The following RAD18 variants were observed in gnomAD, a reference collection of about 807,000 sequenced individuals.
The protein encoded by RAD18 is E3 ubiquitin-protein ligase RAD18.
RAD18 carries 47 observed loss-of-function variants against 60.4 expected under a neutral mutation model. That is an observed-to-expected ratio of 0.78 (90% CI 0.62 to 0.99). The LOEUF is 0.99. RAD18 is among the 50% of genes least tolerant of loss of function. RAD18 has a pLI of 0.00. For synonymous variants in RAD18, 225 were observed against 195.5 expected, an observed-to-expected ratio of 1.15 and a Z score of -1.26; for missense variants, 640 against 593.3, an observed-to-expected ratio of 1.08 and a Z score of -0.82.
chr3:8,928,110 T>C (rs182376683), intron 7 of RAD18, among the ~76,000 whole-genome samples: 12 of 149,960 alleles, frequency 8.0e-5, no homozygotes, highest in African/African-American at 2.9e-4. Context: ...TGAAGTAGTG[T>C]ACTATTCATT....
Position 8,939,609 on chromosome 3 carries a change from T to C in RAD18, c.649A>G (p.Asn217Asp). 6.2e-7 allele frequency: 1 copy of C among 1,613,242 alleles called. No homozygotes were observed. The highest frequency in any genetic ancestry group is 8.5e-7 in the Non-Finnish European group (1 of 1,179,378). Residue 217 changes from asparagine (N) to aspartate (D), a missense_variant, in exon 6 of 13, where the codon AAT becomes GAT. Asn to Asp is a conservative substitution (Grantham distance 23). Coordinates refer to ENST00000264926, the MANE Select transcript of RAD18 (RefSeq NM_020165.4). The stretch of plus-strand genomic sequence containing the variant: ...GATAAACAGCTGTCTAAATGCTTAT[T>C]AATGTGACTTTCTGGAATGTTAACC... ...CGVNIPESHINKHLDSCLSRE... is the reference protein window; with the variant it reads ...CGVNIPESHIDKHLDSCLSRE...
intron 11 of RAD18, among the ~76,000 whole-genome samples, chr3:8,892,442 G>A (rs368016761): frequency 1.6e-4 from 24 of 152,276 alleles, no homozygotes; most frequent in African/African-American, 5.3e-4. Flanking sequence ...TCTTGAATTC[G>A]ATGGAATTCC....
intron 9 of RAD18, among the ~76,000 whole-genome samples, chr3:8,910,584 G>C (rs964007016): frequency 6.6e-6 from 1 of 150,860 alleles, no homozygotes; most frequent in Non-Finnish European, 1.5e-5. Context: ...CTCCTGGACA[G>C]AGCGAGCCTC....
intron 7 of RAD18, among the ~76,000 whole-genome samples, chr3:8,930,114 T>G (rs1940525527): frequency 6.6e-6 from 1 of 152,174 alleles, no homozygotes; most frequent in Non-Finnish European, 1.5e-5. Flanking sequence ...ACATAAAAAT[T>G]TGTACATAAA....
At chr3:8,928,216 T>A (rs1284924356) in intron 7 of RAD18, among the ~76,000 whole-genome samples, 2 of 151,054 alleles carry the variant, frequency 1.3e-5, no homozygotes, top group African/African-American at 4.9e-5. Context: ...AAAATGAAGA[T>A]AACATAAAAA....
chr3:8,890,862 CA>C (rs1470137655), intron 11 of RAD18, among the ~76,000 whole-genome samples: 2 of 152,094 alleles, frequency 1.3e-5, no homozygotes, highest in Non-Finnish European at 2.9e-5. Flanking sequence ...CCAACCTTTT[CA>C]TTCCCTTCTC....
intron 8 of RAD18, 126 bp downstream of exon 8, chr3:8,913,518 A>C: frequency 1.6e-6 from 1 of 632,922 alleles, no homozygotes; most frequent in Non-Finnish European, 2.5e-6. Flanking sequence ...TTGCAAGTAA[A>C]TCATAATACA....
intron 10 of RAD18, among the ~76,000 whole-genome samples, chr3:8,900,299 C>T (rs1939883061): frequency 6.6e-6 from 1 of 152,144 alleles, no homozygotes; most frequent in Non-Finnish European, 1.5e-5. Context: ...ACCAGAATCA[C>T]ATTAAGAGGA....
chr3:8,921,631 C>T (rs1940322017), intron 7 of RAD18, among the ~76,000 whole-genome samples: 1 of 151,838 alleles, frequency 6.6e-6, no homozygotes, highest in Non-Finnish European at 1.5e-5. Flanking sequence ...CAGAGCAAGA[C>T]CCTATCTTTA....
intron 2 of RAD18, among the ~76,000 whole-genome samples, chr3:8,949,672 A>AGG (rs1340539202): frequency 7.3e-5 from 11 of 149,796 alleles, no homozygotes; most frequent in African/African-American, 1.3e-4. Context: ...CTGGAGAGAG[A>AGG]GAGGGGGGTA....
rs144584685 is a variant in RAD18, at chr3:8,887,449, A to C, written c.1385+2940T>G. Among the ~76,000 whole-genome samples the C allele has an allele frequency of 8.5e-5, 13 of 152,334 alleles. No homozygotes were observed. In the East Asian group the frequency reaches 2.3e-3, roughly 27 times the overall value. On this transcript the variant is annotated intron_variant, in intron 12 of 12. Transcript: ENST00000264926. ...TCACTGAAGCATATATATTTTACTC[A>C]CATTTATGTGTAAAGAAACTGAGAC...
intron 6 of RAD18, 79 bp downstream of exon 6, chr3:8,939,475 G>T: frequency 8.4e-7 from 1 of 1,184,098 alleles, no homozygotes; most frequent in Non-Finnish European, 1.2e-6. Flanking sequence ...AGGATAAAAG[G>T]AATACTGTAA....
chr3:8,887,533 A>G (rs765256037), intron 12 of RAD18, among the ~76,000 whole-genome samples: 8 of 152,348 alleles, frequency 5.3e-5, no homozygotes, highest in Non-Finnish European at 8.8e-5. Flanking sequence ...CAATGTAAAT[A>G]TATCTTGTAG....
chr3:8,939,507 G>A (rs763781648), intron 6 of RAD18, 47 bp downstream of exon 6: 102 of 1,481,260 alleles, frequency 6.9e-5, no homozygotes, highest in Admixed American at 1.1e-4. Flanking sequence ...GTAAGCACAA[G>A]AGGCACCCAG....
intron 12 of RAD18, chr3:8,890,153 C>T (rs1939660022): frequency 5.8e-6 from 3 of 512,906 alleles, no homozygotes; most frequent in Admixed American, 3.2e-5. Context: ...CCCATAAGAA[C>T]AATTTATCCA....
chr3:8,912,843 C>A (rs6772570), intron 8 of RAD18, among the ~76,000 whole-genome samples: 1 of 152,006 alleles, frequency 6.6e-6, no homozygotes, highest in African/African-American at 2.4e-5. Flanking sequence ...CCTCTAGGTC[C>A]ACTTTTTAAA....
At chr3:8,931,997 TA>T (rs1260564103) in intron 7 of RAD18, among the ~76,000 whole-genome samples, 1 of 152,118 alleles carries the variant, frequency 6.6e-6, no homozygotes, top group East Asian at 1.9e-4. Context: ...ACAGAAAAAC[TA>T]AATGAAAATG....
At chr3:8,905,564 T>C (rs1939988599) in intron 9 of RAD18, among the ~76,000 whole-genome samples, 1 of 152,228 alleles carries the variant, frequency 6.6e-6, no homozygotes, top group Admixed American at 6.5e-5. Context: ...CCCATATATT[T>C]CTTTCACCAT....
chr3:8,902,300 A>G, intron 10 of RAD18, 80 bp downstream of exon 10: 1 of 1,304,620 alleles, frequency 7.7e-7, no homozygotes, highest in Non-Finnish European at 1.0e-6. Flanking sequence ...TCCAAAGTAA[A>G]TTTCTTTGGT....
Sources: allele counts gnomAD v4.1 joint callset (sites outside exome capture counted in the v4.1 genomes callset), GRCh38; gene constraint gnomAD v4.1.1; transcripts MANE v1.5; gene names NCBI Gene and HGNC (gene_info 2026-07-23, HGNC 2026-07-21).